Variants in CDK5RAP1 observed in about 807,000 individuals in gnomAD.
CDK5RAP1 encodes the protein CDK5RAP1 mitochondrial tRNA methylthiotransferase.
In CDK5RAP1, 62 loss-of-function variants were observed where a neutral mutation model predicts 64.5. The observed-to-expected ratio is 0.96, with a 90% CI of 0.78 to 1.19. The LOEUF is 1.19. Among genes scored for constraint, CDK5RAP1 ranks in the 50% most tolerant of loss-of-function variants. CDK5RAP1 has a pLI of 0.00. For missense variants in CDK5RAP1, 657 were observed against 735.0 expected (o/e 0.89, Z 1.23); for synonymous variants, 250 against 261.9 (o/e 0.95, Z 0.44).
chr20:33,383,268 G>A (rs918169790), intron 7 of CDK5RAP1, among the ~76,000 whole-genome samples: 1 of 151,912 alleles, frequency 6.6e-6, no homozygotes, highest in Non-Finnish European at 1.5e-5. Flanking sequence ...GCATACTGAA[G>A]GATGAAACAA....
chr20:33,401,473 G>C lies in CDK5RAP1; in HGVS notation c.-66C>G. On this transcript the variant is annotated 5_prime_UTR_variant, in exon 1 of 14. Coordinates refer to ENST00000346416, the MANE Select transcript of CDK5RAP1 (RefSeq NM_016408.4). ...CCCGGGGTCCCGCAGCGTAAGTTCT[G>C]CCGGCAAGTCGGATCCCCTCACAGG... is the stretch of plus-strand genomic sequence containing the variant. 1 of 985,442 alleles carries C rather than the reference G, an allele frequency of 1.0e-6. No individual in the cohort carries two copies. Among genetic ancestry groups the C allele is most frequent in the Admixed American group, 6.1e-5 (1 of 16,282 alleles). The allele number at this position is 985,442 out of a possible 1,614,324, so 61.0% of individuals were successfully genotyped here.
intron 9 of CDK5RAP1, chr20:33,373,159 T>TGTGTGTGC (rs1480429701): frequency 8.5e-5 from 14 of 165,162 alleles, no homozygotes; most frequent in Non-Finnish European, 1.3e-4. Flanking sequence ...CGTGTGTGTG[T>TGTGTGTGC]GTGTGTGTGT....
intron 11 of CDK5RAP1, among the ~76,000 whole-genome samples, chr20:33,367,754 T>C (rs946831815): frequency 6.6e-6 from 1 of 152,210 alleles, no homozygotes; most frequent in Non-Finnish European, 1.5e-5. Context: ...TAAAACACCT[T>C]TAAATCATCC....
At chr20:33,397,783 G>A (rs1266281974) in intron 1 of CDK5RAP1, among the ~76,000 whole-genome samples, 1 of 152,114 alleles carries the variant, frequency 6.6e-6, no homozygotes, top group Non-Finnish European at 1.5e-5. Context: ...CTTGAGGTCA[G>A]GAGTTCAAGA....
At chr20:33,361,108 G>A (rs972565894) in intron 12 of CDK5RAP1, among the ~76,000 whole-genome samples, 5 of 152,096 alleles carry the variant, frequency 3.3e-5, no homozygotes, top group African/African-American at 9.7e-5. Flanking sequence ...AACTGTTTTC[G>A]GATACTGGAC....
chr20:33,392,330 C>G (rs918026821), intron 4 of CDK5RAP1, 88 bp from the exon 5 acceptor site: 1 of 686,174 alleles, frequency 1.5e-6, no homozygotes, highest in African/African-American at 1.8e-5. Context: ...AAATAAAAAC[C>G]ACCTTCAACC....
chr20:33,373,878 GTAAA>G, intron 9 of CDK5RAP1: 1 of 522,306 alleles, frequency 1.9e-6, no homozygotes, highest in South Asian at 2.7e-5. Context: ...TGGCTGCTCA[GTAAA>G]TATTTATGCT....
In CDK5RAP1 at chr20:33,379,573, T is replaced by G. The variant is rs1896414117; in HGVS notation, c.995A>C (p.Lys332Thr). 6 of 1,614,114 alleles carry G rather than the reference T, an allele frequency of 3.7e-6. No individual in the cohort carries two copies. The highest frequency in any genetic ancestry group is 5.1e-6 in the Non-Finnish European group (6 of 1,180,000). Residue 332 changes from lysine to threonine, a missense_variant, in exon 8 of 14, where the codon AAA (lysine) becomes ACA (threonine). Transcript: ENST00000346416. ...AAAACGAAGTCCTCCTTGCTTGGTT[T>G]TATAGTTGGTGGTAAAGCCACGACT... ...NLSRGFTTNY[K>T]TKQGGLRFAH...
At chr20:33,380,696 T>C (rs574135656) in intron 7 of CDK5RAP1, among the ~76,000 whole-genome samples, 1 of 152,274 alleles carries the variant, frequency 6.6e-6, no homozygotes, top group Admixed American at 6.5e-5. Flanking sequence ...GTCTTTCTAT[T>C]TGTCTGTTTG....
At chr20:33,377,030 C>T (rs1402517147) in intron 8 of CDK5RAP1, among the ~76,000 whole-genome samples, 1 of 152,094 alleles carries the variant, frequency 6.6e-6, no homozygotes, top group Non-Finnish European at 1.5e-5. Flanking sequence ...TCACCAGCTG[C>T]CTTGGCCCCT....
chr20:33,369,723 T>A (rs888750787), intron 11 of CDK5RAP1, among the ~76,000 whole-genome samples: 2 of 152,150 alleles, frequency 1.3e-5, no homozygotes, highest in East Asian at 1.9e-4. Flanking sequence ...GAGACCAACC[T>A]GGACAGCATA....
intron 12 of CDK5RAP1, 80 bp from the exon 13 acceptor site, chr20:33,360,571 C>G: frequency 7.7e-7 from 1 of 1,305,214 alleles, no homozygotes. Context: ...CCTTCTCTGT[C>G]TCGGATCCCC....
Position 33,396,961 on chromosome 20 carries a change from C to T in CDK5RAP1, c.104G>A (p.Ser35Asn). The T allele has an allele frequency of 6.2e-7, 1 of 1,614,216 alleles. No homozygotes were observed. The highest frequency in any genetic ancestry group is 8.5e-7 in the Non-Finnish European group (1 of 1,180,022). The change falls in exon 2 of 14, where the codon AGT becomes AAT. Residue 35 changes from serine to asparagine, a missense_variant. Physicochemically the swap from Ser to Asn is conservative, Grantham distance 46 (BLOSUM62 1). Coordinates refer to ENST00000346416, the MANE Select transcript of CDK5RAP1 (RefSeq NM_016408.4). ...LSLRMCRAHS[S>N]LSSTMCPSPE... is the part of the protein sequence containing the mutation. Reference sequence around the variant, plus strand: ...ACTGGGACACATGGTACTAGAGAGACTGCTGTGTGCCCTGCACATCCTCAG... The same window carrying T: ...ACTGGGACACATGGTACTAGAGAGATTGCTGTGTGCCCTGCACATCCTCAG...
Position 33,373,795 on chromosome 20 carries a change from T to C in CDK5RAP1, c.1205+320A>G, listed in dbSNP as rs1487506510. ...AATGGATGACCCAGTCCTTAGCCTA[T>C]GTTATGGAGTTAGCGAAGCAAGCTC... On this transcript the variant is annotated intron_variant, in intron 9 of 13. Transcript: ENST00000346416. 1.4e-5 allele frequency: 4 copies of C among 294,274 alleles called. No individual in the cohort carries two copies. The South Asian group carries it at 3.6e-4, about 26-fold the overall frequency. The allele number at this position is 294,274 out of a possible 1,614,324, so 18.2% of individuals were successfully genotyped here.
intron 11 of CDK5RAP1, among the ~76,000 whole-genome samples, chr20:33,369,578 C>T (rs1984649126): frequency 6.6e-6 from 1 of 152,090 alleles, no homozygotes; most frequent in Non-Finnish European, 1.5e-5. Context: ...ATGATACATA[C>T]ATTGGCACAG....
intron 4 of CDK5RAP1, 84 bp downstream of exon 4, chr20:33,393,948 C>G (rs1377623604): frequency 2.0e-6 from 2 of 975,730 alleles, no homozygotes; most frequent in Non-Finnish European, 3.3e-6. Flanking sequence ...TGGCTCATCT[C>G]CATAGACAGC....
chr20:33,396,681 C>G (rs1988924551), intron 2 of CDK5RAP1, 80 bp downstream of exon 2: 1 of 1,067,146 alleles, frequency 9.4e-7, no homozygotes, highest in Admixed American at 2.0e-5. Context: ...CAAGCCAGTT[C>G]TGTAATAAAA....
chr20:33,396,818 CT>C lies in CDK5RAP1; in HGVS notation c.246del (p.Val83TrpfsTer9). Reference protein sequence around the residue: ...ASAPQEKLSSEVEDPPPYLMM... With the variant: ...ASAPQEKLSSXVEDPPPYLMM... ...ATGAGATAGGGAGGTGGGTCTTCCACTTCTGAAGACAGCTTCTCCTGAGGAG... is the reference window on the plus strand; with the variant it reads ...ATGAGATAGGGAGGTGGGTCTTCCACTCTGAAGACAGCTTCTCCTGAGGAG... On this transcript the variant is annotated frameshift_variant, in exon 2 of 14. Transcript: ENST00000346416. LOFTEE classifies it high-confidence loss of function. The C allele has an allele frequency of 6.2e-7, 1 of 1,614,110 alleles. No individual in the cohort carries two copies. Among genetic ancestry groups the C allele is most frequent in the Non-Finnish European group, 8.5e-7 (1 of 1,179,998 alleles).
At chr20:33,369,654 G>A (rs1411040192) in intron 11 of CDK5RAP1, among the ~76,000 whole-genome samples, 1 of 152,148 alleles carries the variant, frequency 6.6e-6, no homozygotes, top group Non-Finnish European at 1.5e-5. Context: ...CATGACTCAC[G>A]CCTGTCATCT....
Sources: allele counts gnomAD v4.1 joint callset (sites outside exome capture counted in the v4.1 genomes callset), GRCh38; gene constraint gnomAD v4.1.1; transcripts MANE v1.5; gene names NCBI Gene and HGNC (gene_info 2026-07-23, HGNC 2026-07-21).